The following ZNF804B variants were observed in gnomAD, a reference collection of about 807,000 sequenced individuals.
The protein encoded by ZNF804B is zinc finger 804B.
In ZNF804B, 80 loss-of-function variants were observed where a neutral mutation model predicts 101.4. That is an observed-to-expected ratio of 0.79 (90% confidence interval 0.66 to 0.95). The LOEUF is 0.95. Ranked by LOEUF, ZNF804B falls within the 40% of genes least tolerant of loss-of-function variation. The pLI, the probability that ZNF804B is intolerant of heterozygous loss-of-function variation, is 0.00. For missense variants in ZNF804B, 1,673 were observed against 1,561.9 expected (o/e 1.07, Z -1.20); for synonymous variants, 622 against 558.8 (o/e 1.11, Z -1.59).
Position 89,269,551 on chromosome 7 carries a change from T to C in ZNF804B, c.249+51256T>C, listed in dbSNP as rs375347251. 3.0e-4 allele frequency among the ~76,000 whole-genome samples: 45 copies of C among 152,326 alleles called. 1 individual carries two copies. In the South Asian group the frequency reaches 8.9e-3, roughly 30 times the overall value. ...ATGTGCATGTGTCTTTATAGCAGCA[T>C]GATTTATAATCCTTTGGGTATATAC... On this transcript the variant is annotated intron_variant, in intron 2 of 3. Transcript: ENST00000333190.
intron 1 of ZNF804B, among the ~76,000 whole-genome samples, chr7:88,837,534 A>G (rs1020150227): frequency 1.3e-5 from 2 of 152,000 alleles, no homozygotes; most frequent in African/African-American, 2.4e-5. Flanking sequence ...GTGAAAGACC[A>G]TTTAAAGAGT....
At chr7:89,106,538 CT>C (rs1790139640) in intron 1 of ZNF804B, among the ~76,000 whole-genome samples, 1 of 151,986 alleles carries the variant, frequency 6.6e-6, no homozygotes, top group African/African-American at 2.4e-5. Flanking sequence ...CCATATTGAT[CT>C]ATTACACTTC....
intron 1 of ZNF804B, among the ~76,000 whole-genome samples, chr7:89,151,482 G>A (rs1345033817): frequency 6.6e-6 from 1 of 151,946 alleles, no homozygotes; most frequent in Non-Finnish European, 1.5e-5. Context: ...AATCATCAAC[G>A]TAGAATTGAA....
intron 1 of ZNF804B, among the ~76,000 whole-genome samples, chr7:88,866,690 C>G (rs1299036515): frequency 6.6e-6 from 1 of 152,130 alleles, no homozygotes; most frequent in Non-Finnish European, 1.5e-5. Context: ...CCACCTGGAA[C>G]AGAACAACCT....
intron 2 of ZNF804B, among the ~76,000 whole-genome samples, chr7:89,255,426 A>G (rs1789613243): frequency 6.6e-6 from 1 of 152,208 alleles, no homozygotes; most frequent in Non-Finnish European, 1.5e-5. Context: ...AAGTAAAAAA[A>G]TGGGACAAAA....
chr7:89,162,470 G>T (rs1342405654), intron 1 of ZNF804B, among the ~76,000 whole-genome samples: 1 of 151,962 alleles, frequency 6.6e-6, no homozygotes, highest in Non-Finnish European at 1.5e-5. Flanking sequence ...GCAATGTAAG[G>T]TAGATCTGAA....
chr7:89,239,048 G>GT (rs1291927065), intron 2 of ZNF804B, among the ~76,000 whole-genome samples: 1 of 152,138 alleles, frequency 6.6e-6, no homozygotes, highest in Non-Finnish European at 1.5e-5. Context: ...ACAACAAGGA[G>GT]TTTTATGTTT....
intron 1 of ZNF804B, among the ~76,000 whole-genome samples, chr7:89,015,601 C>T (rs1788539631): frequency 6.6e-6 from 1 of 151,830 alleles, no homozygotes; most frequent in Admixed American, 6.6e-5. Flanking sequence ...GTTTTTTGTC[C>T]TTGCGATAGT....
At chr7:89,107,385 A>G (rs1449734051) in intron 1 of ZNF804B, among the ~76,000 whole-genome samples, 1 of 152,144 alleles carries the variant, frequency 6.6e-6, no homozygotes, top group East Asian at 1.9e-4. Flanking sequence ...TGAGATATCT[A>G]TAATGGAGTG....
chr7:88,999,692 A>AAG (rs1562855645), intron 1 of ZNF804B, among the ~76,000 whole-genome samples: 21 of 151,970 alleles, frequency 1.4e-4, no homozygotes, highest in African/African-American at 4.3e-4. Context: ...ATGAGCCAGC[A>AAG]TGTAAAAATA....
chr7:89,097,282 C>T (rs1789984001), intron 1 of ZNF804B, among the ~76,000 whole-genome samples: 1 of 152,150 alleles, frequency 6.6e-6, no homozygotes, highest in Non-Finnish European at 1.5e-5. Flanking sequence ...CCCGAATTTA[C>T]TTGTACATGG....
At chr7:89,121,450 T>A (rs1403773940) in intron 1 of ZNF804B, among the ~76,000 whole-genome samples, 1 of 152,136 alleles carries the variant, frequency 6.6e-6, no homozygotes, top group African/African-American at 2.4e-5. Context: ...TAAATGATAA[T>A]AATGGCCATA....
chr7:89,304,268 C>T (rs1790526968), intron 2 of ZNF804B, among the ~76,000 whole-genome samples: 1 of 151,808 alleles, frequency 6.6e-6, no homozygotes, highest in Admixed American at 6.6e-5. Flanking sequence ...GACCTAATCT[C>T]ACTGATGGAC....
At chr7:88,848,175 C>T (rs1417027699) in intron 1 of ZNF804B, among the ~76,000 whole-genome samples, 3 of 152,086 alleles carry the variant, frequency 2.0e-5, no homozygotes, top group African/African-American at 7.2e-5. Flanking sequence ...AGGACATCCT[C>T]CACAGCAAAT....
At chr7:88,955,041 T>C (rs1458478803) in intron 1 of ZNF804B, among the ~76,000 whole-genome samples, 1 of 150,512 alleles carries the variant, frequency 6.6e-6, no homozygotes, top group Admixed American at 6.6e-5. Context: ...CGGGAGGATC[T>C]CTTGAGCTCA....
chr7:88,879,599 C>T (rs750331930), intron 1 of ZNF804B, among the ~76,000 whole-genome samples: 1 of 152,104 alleles, frequency 6.6e-6, no homozygotes, highest in African/African-American at 2.4e-5. Context: ...ATTGAAGCCC[C>T]ATGCATAGAA....
chr7:88,842,441 G>T (rs879811600), intron 1 of ZNF804B, among the ~76,000 whole-genome samples: 1 of 152,140 alleles, frequency 6.6e-6, no homozygotes, highest in Non-Finnish European at 1.5e-5. Flanking sequence ...ATAAAACTTT[G>T]CACTGTGGGC....
At chr7:88,933,088 T>C (rs145680652) in intron 1 of ZNF804B, among the ~76,000 whole-genome samples, 1 of 151,780 alleles carries the variant, frequency 6.6e-6, no homozygotes, top group Non-Finnish European at 1.5e-5. Context: ...ATCAAAAATA[T>C]AATACACCAT....
chr7:88,862,302 G>C (rs1327208314), intron 1 of ZNF804B, among the ~76,000 whole-genome samples: 1 of 152,174 alleles, frequency 6.6e-6, no homozygotes, highest in African/African-American at 2.4e-5. Flanking sequence ...CACTGGGAAT[G>C]CAAAGATGAA....
Sources: gnomAD v4.1 joint callset for allele counts (sites outside exome capture counted in the v4.1 genomes callset) on GRCh38, gnomAD v4.1.1 for gene constraint, MANE v1.5 for transcripts, NCBI Gene and HGNC (gene_info 2026-07-23, HGNC 2026-07-21) for gene names.